The following HMGN1 variants were observed in gnomAD, a reference collection of about 807,000 sequenced individuals.
HMGN1 encodes high mobility group nucleosome binding domain 1.
Under a neutral mutation model 18.4 loss-of-function variants are expected in HMGN1, and 9 were observed. That is an observed-to-expected ratio of 0.49 (90% CI 0.29 to 0.85). The LOEUF (loss-of-function observed/expected upper bound fraction) is 0.85. HMGN1 is among the 40% of genes least tolerant of loss of function. The pLI, the probability that HMGN1 is intolerant of heterozygous loss-of-function variation, is 0.07. For synonymous variants in HMGN1, 59 were observed against 45.0 expected, an observed-to-expected ratio of 1.31 and a Z score of -1.24; for missense variants, 151 against 119.2, an observed-to-expected ratio of 1.27 and a Z score of -1.24.
In HMGN1 at chr21:39,346,226, A is replaced by G. The variant is rs147507622; in HGVS notation, c.127-952T>C. 8.2e-5 allele frequency: 28 copies of G among 340,256 alleles called. 1 individual carries two copies. The East Asian group carries it at 1.2e-3, about 14-fold the overall frequency. 21.1% of individuals were successfully genotyped at this position (340,256 alleles called of 1,614,324 possible). On this transcript the variant is annotated intron_variant, in intron 4 of 5. Coordinates refer to ENST00000380749, the MANE Select transcript of HMGN1 (RefSeq NM_004965.7). ...CAAGCAAGTAGAGCTCACAACTTCAATGCTAACACGGGCGGAAAAATCACT... is the reference window on the plus strand; with the variant it reads ...CAAGCAAGTAGAGCTCACAACTTCAGTGCTAACACGGGCGGAAAAATCACT...
In HMGN1 at chr21:39,349,026, C is replaced by G. The variant is rs1283048981; in HGVS notation, c.-109G>C. 2 of 1,142,818 alleles carry G rather than the reference C, an allele frequency of 1.8e-6. No individual in the cohort carries two copies. Among genetic ancestry groups the G allele is most frequent in the African/African-American group, 3.2e-5 (2 of 62,016 alleles). 70.8% of individuals were successfully genotyped at this position (1,142,818 alleles called of 1,614,324 possible). A position where few individuals can be genotyped will look rare whatever the true frequency, so the allele number is the denominator to read the frequency against. ...TTCGCGAAACTGGGCTGCCTTGCCG[C>G]TGCCACTCCTCCCGCCGCCCGAGCT... On this transcript the variant is annotated 5_prime_UTR_variant, in exon 1 of 6. Transcript: ENST00000380749.
intron 4 of HMGN1, chr21:39,347,278 C>T (rs2037089195): frequency 3.4e-6 from 3 of 895,454 alleles, no homozygotes; most frequent in Non-Finnish European, 4.3e-6. Context: ...AAAAGGATCA[C>T]AAAAACAGAA....
intron 1 of HMGN1, 122 bp downstream of exon 1, chr21:39,348,781 G>T: frequency 9.3e-7 from 1 of 1,070,216 alleles, no homozygotes; most frequent in Non-Finnish European, 1.2e-6. Context: ...CCGCCCGCCG[G>T]TCTCCAAGCG....
chr21:39,348,651 C>A, intron 1 of HMGN1, 74 bp from the exon 2 acceptor site: 2 of 1,480,672 alleles, frequency 1.4e-6, no homozygotes, highest in Admixed American at 2.6e-5. Flanking sequence ...GCCCCGAGAA[C>A]AATGCCCGGC....
chr21:39,348,939 T>C lies in HMGN1; in HGVS notation c.-22A>G. 3 of 1,193,198 alleles carry C rather than the reference T, an allele frequency of 2.5e-6. No individual in the cohort carries two copies. Among genetic ancestry groups the C allele is most frequent in the Non-Finnish European group, 3.1e-6 (3 of 963,868 alleles). The allele number at this position is 1,193,198 out of a possible 1,614,324, so 73.9% of individuals were successfully genotyped here. On this transcript the variant is annotated 5_prime_UTR_variant, in exon 1 of 6. Coordinates refer to ENST00000380749, the MANE Select transcript of HMGN1 (RefSeq NM_004965.7). Reference sequence around the variant, plus strand: ...GCATCGTGGCGGCGGGGAAGGCGCGTGCCGGGTGCCTGCGGGGAAGGCGCG... The same window carrying C: ...GCATCGTGGCGGCGGGGAAGGCGCGCGCCGGGTGCCTGCGGGGAAGGCGCG...
At chr21:39,346,704 A>G (rs2037067316) in intron 4 of HMGN1, 1 of 152,360 alleles carries the variant, frequency 6.6e-6, no homozygotes, top group South Asian at 2.1e-4. Context: ...TAGTATGATA[A>G]TCGATACACC....
intron 4 of HMGN1, chr21:39,345,889 C>T: frequency 7.7e-7 from 1 of 1,302,644 alleles, no homozygotes; most frequent in Non-Finnish European, 1.0e-6. Flanking sequence ...TTAATCCCTT[C>T]ATATCATATA....
At chr21:39,343,717 C>T (rs1419153766) in intron 5 of HMGN1, among the ~76,000 whole-genome samples, 1 of 152,138 alleles carries the variant, frequency 6.6e-6, no homozygotes, top group Non-Finnish European at 1.5e-5. Flanking sequence ...GTAACAAAGT[C>T]ACGTATTTTC....
In HMGN1 at chr21:39,348,332, G is replaced by C; in HGVS notation, c.86C>G (p.Pro29Arg). ...RRSARLSAKP[P>R]AKVEAKPKKA... is the part of the protein sequence containing the mutation. ...TTTCGGCTTCGCTTCCACTTTTGCA[G>C]GAGGTTTCTGAAAGGCAAAAGCAGC... Residue 29 changes from proline (P) to arginine (R), a missense_variant, in exon 4 of 6, where the codon CCT becomes CGT. Physicochemically the swap from Pro to Arg is moderately radical, Grantham distance 103. Transcript: ENST00000380749. 1 of 1,614,106 alleles carries C rather than the reference G, an allele frequency of 6.2e-7. No individual in the cohort carries two copies. Among genetic ancestry groups the C allele is most frequent in the East Asian group, 2.2e-5 (1 of 44,884 alleles).
chr21:39,348,710 C>T (rs2037158662), intron 1 of HMGN1, 133 bp from the exon 2 acceptor site: 2 of 1,187,628 alleles, frequency 1.7e-6, no homozygotes, highest in Non-Finnish European at 1.1e-6. Context: ...GCCCCCTCAG[C>T]TCCCCCGGCC....
intron 4 of HMGN1, chr21:39,346,098 T>TA (rs2037043444): frequency 6.4e-6 from 3 of 470,082 alleles, no homozygotes; most frequent in Admixed American, 6.0e-5. Flanking sequence ...TATTCCTTGT[T>TA]AGTAAGTATA....
At chr21:39,344,046 G>A (rs2036955001) in intron 5 of HMGN1, among the ~76,000 whole-genome samples, 1 of 151,994 alleles carries the variant, frequency 6.6e-6, no homozygotes, top group African/African-American at 2.4e-5. Flanking sequence ...CCTGAGGTCA[G>A]GAGTTTGAAA....
rs577934417 is a variant in HMGN1 at position 39,344,023 on chromosome 21, G to C, written c.256-864C>G. ...TAATACCAGCACTTTGTGAGGCCAAGGCGGACAGATCACCTGAGGTCAGGA... is the reference window on the plus strand; with the variant it reads ...TAATACCAGCACTTTGTGAGGCCAACGCGGACAGATCACCTGAGGTCAGGA... On this transcript the variant is annotated intron_variant, in intron 5 of 5. Coordinates refer to ENST00000380749, the MANE Select transcript of HMGN1 (RefSeq NM_004965.7). 2.7e-3 allele frequency among the ~76,000 whole-genome samples: 405 copies of C among 152,278 alleles called. 2 individuals are homozygous for C. The highest frequency in any genetic ancestry group is 9.5e-3 in the African/African-American group (393 of 41,556).
chr21:39,347,533 A>G (rs1341563935), intron 4 of HMGN1: 1 of 647,258 alleles, frequency 1.5e-6, no homozygotes, highest in Non-Finnish European at 2.5e-6. Flanking sequence ...TTGAGACTTC[A>G]AATAGCAAAC....
rs111708427 is a variant in HMGN1, at chr21:39,342,388, C to T, written c.*724G>A. On this transcript the variant is annotated 3_prime_UTR_variant, in exon 6 of 6. Transcript: ENST00000380749. ...CAATTTGTACACAAATCTTAACATA[C>T]GTAACGAAATTCTAAAAAGCCATGT... The T allele has an allele frequency of 1.1e-5, 2 of 179,838 alleles. No individual in the cohort carries two copies. Among genetic ancestry groups the T allele is most frequent in the Non-Finnish European group, 2.4e-5 (2 of 84,550 alleles). 11.1% of individuals were successfully genotyped at this position (179,838 alleles called of 1,614,324 possible).
chr21:39,348,128 T>G, intron 4 of HMGN1, 164 bp downstream of exon 4: 1 of 944,634 alleles, frequency 1.1e-6, no homozygotes, highest in East Asian at 2.6e-5. Context: ...TAAACCAGGA[T>G]GAATATATCC....
chr21:39,345,873 C>CTACA, intron 4 of HMGN1: 1 of 1,303,292 alleles, frequency 7.7e-7, no homozygotes, highest in South Asian at 1.2e-5. Flanking sequence ...GACTATCCTG[C>CTACA]TACAGTTAAT....
At chr21:39,345,109 T>TCACACACACAAACACACACACACA in intron 5 of HMGN1, 37 bp downstream of exon 5, 1 of 1,410,174 alleles carries the variant, frequency 7.1e-7, no homozygotes, top group Non-Finnish European at 9.6e-7. Flanking sequence ...GTCAAAGCAA[T>TCACACACACAAACACACACACACA]CACACACACA....
intron 4 of HMGN1, 50 bp from the exon 5 acceptor site, chr21:39,345,324 A>T: frequency 1.9e-6 from 3 of 1,565,812 alleles, no homozygotes. Context: ...CTCCTTATTT[A>T]CATTTTGTTT....
Sources: gnomAD v4.1 joint callset for allele counts (sites outside exome capture counted in the v4.1 genomes callset) on GRCh38, gnomAD v4.1.1 for gene constraint, MANE v1.5 for transcripts, NCBI Gene and HGNC (gene_info 2026-07-23, HGNC 2026-07-21) for gene names.